The following MEGF11 variants were observed in gnomAD, a reference collection of about 807,000 sequenced individuals.
The protein encoded by MEGF11 is multiple epidermal growth factor-like domains protein 11.
In MEGF11, 126 loss-of-function variants were observed where a neutral mutation model predicts 146.6. The ratio of observed to expected loss-of-function variants is 0.86; its 90% CI spans 0.74 to 1.00. The LOEUF (loss-of-function observed/expected upper bound fraction) is 1.00, where lower values mean the gene tolerates loss of function less well. Ranked by LOEUF, MEGF11 falls within the 50% of genes least tolerant of loss-of-function variation. The pLI, the probability that MEGF11 is intolerant of heterozygous loss-of-function variation, is 0.00. For synonymous variants in MEGF11, 532 were observed against 583.4 expected, an observed-to-expected ratio of 0.91 and a Z score of 1.27; for missense variants, 1,509 against 1,521.2, an observed-to-expected ratio of 0.99 and a Z score of 0.13.
chr15:65,929,627 G>C (rs1205404550), intron 12 of MEGF11, 93 bp downstream of exon 12: 2 of 1,413,998 alleles, frequency 1.4e-6, no homozygotes, highest in African/African-American at 1.4e-5. Flanking sequence ...GCTTAGTGCT[G>C]TTCTCTGTGC....
intron 10 of MEGF11, among the ~76,000 whole-genome samples, chr15:65,940,941 G>C (rs568356343): frequency 6.6e-6 from 1 of 152,378 alleles, no homozygotes; most frequent in South Asian, 2.1e-4. Flanking sequence ...TCAAATGACA[G>C]TCATTATAGA....
chr15:66,153,167 A>G (rs1362254135), intron 1 of MEGF11, among the ~76,000 whole-genome samples: 1 of 152,230 alleles, frequency 6.6e-6, no homozygotes, highest in African/African-American at 2.4e-5. Context: ...CACTCCCCAC[A>G]GCACTAACAG....
At chr15:66,127,994 T>A (rs759080748) in intron 2 of MEGF11, among the ~76,000 whole-genome samples, 23 of 152,224 alleles carry the variant, frequency 1.5e-4, no homozygotes, top group Non-Finnish European at 2.8e-4. Context: ...CTGCACCCCA[T>A]CTGGCTGTGG....
At chr15:66,219,306 A>G (rs542313602) in intron 1 of MEGF11, among the ~76,000 whole-genome samples, 124 of 152,342 alleles carry the variant, frequency 8.1e-4, no homozygotes, top group African/African-American at 2.9e-3. Context: ...TGCACATCAC[A>G]TAGCCAACAA....
Position 65,982,108 on chromosome 15 carries a change from C to T in MEGF11, c.641+134G>A. Reference sequence around the variant, plus strand: ...CACCCACAAGGAGCCCAGGGCTGGGCGTGCAGCTGCGGTGAGGGCAGCCAC... The same window carrying T: ...CACCCACAAGGAGCCCAGGGCTGGGTGTGCAGCTGCGGTGAGGGCAGCCAC... On this transcript the variant is annotated intron_variant, in intron 6 of 25. Transcript: ENST00000395614. This position sits in a 1 kb window ranked among gnomAD's most constrained non-coding sequence, Gnocchi z 5.6. 1.7e-6 allele frequency: 2 copies of T among 1,194,092 alleles called. No homozygotes were observed. Among genetic ancestry groups the T allele is most frequent in the Admixed American group, 2.8e-5 (1 of 35,228 alleles). The allele number at this position is 1,194,092 out of a possible 1,614,324, so 74.0% of individuals were successfully genotyped here. A position where few individuals can be genotyped will look rare whatever the true frequency, so the allele number is the denominator to read the frequency against.
intron 1 of MEGF11, among the ~76,000 whole-genome samples, chr15:66,224,200 TTCTCG>T (rs2140173291): frequency 6.6e-6 from 1 of 152,350 alleles, no homozygotes; most frequent in East Asian, 1.9e-4. Context: ...AGCCTTGGTT[TTCTCG>T]TCTGTAAACT....
At chr15:66,216,765 A>G (rs892927531) in intron 1 of MEGF11, among the ~76,000 whole-genome samples, 1 of 152,198 alleles carries the variant, frequency 6.6e-6, no homozygotes, top group African/African-American at 2.4e-5. Context: ...AGGAGGAGGG[A>G]TATGTTGAAG....
At chr15:66,126,063 G>A (rs2088324861) in intron 2 of MEGF11, among the ~76,000 whole-genome samples, 1 of 152,176 alleles carries the variant, frequency 6.6e-6, no homozygotes, top group South Asian at 2.1e-4. Flanking sequence ...GCTAATGAGG[G>A]GCCAGATTAA....
In MEGF11 at chr15:66,141,289, T is replaced by TGA. The variant is rs1169589606; in HGVS notation, c.-8-12880_-8-12879dup. On this transcript the variant is annotated intron_variant, in intron 1 of 25. Transcript: ENST00000395614. ...GTGTGTGTGTGTGTGTGTGTGTGTG[T>TGA]GAGAGAGAGAGAGAGAGAGACAGGG... Among the ~76,000 whole-genome samples the TGA allele has an allele frequency of 7.9e-3, 799 of 101,132 alleles. 37 individuals carry two copies. The highest frequency in any genetic ancestry group is 0.014 in the African/African-American group (341 of 24,654). The allele number at this position is 101,132 out of a possible 152,430, so 66.3% of individuals were successfully genotyped here.
intron 5 of MEGF11, among the ~76,000 whole-genome samples, chr15:66,036,529 A>G (rs2083731875): frequency 6.6e-6 from 1 of 152,198 alleles, no homozygotes; most frequent in African/African-American, 2.4e-5. Flanking sequence ...TTGCTATCAC[A>G]CACAGTGCTG....
chr15:66,159,583 C>T (rs186319855), intron 1 of MEGF11, among the ~76,000 whole-genome samples: 6 of 152,302 alleles, frequency 3.9e-5, no homozygotes, highest in African/African-American at 1.4e-4. Flanking sequence ...CACAGAAGGA[C>T]ACTCAGTGAC....
At chr15:65,898,624 G>T in intron 25 of MEGF11, 104 bp downstream of exon 25, 2 of 1,532,680 alleles carry the variant, frequency 1.3e-6, no homozygotes, top group Non-Finnish European at 1.8e-6. Context: ...AGCAACAAAA[G>T]AAGGATGTGT....
intron 1 of MEGF11, among the ~76,000 whole-genome samples, chr15:66,191,760 G>A (rs1158722647): frequency 6.6e-6 from 1 of 152,170 alleles, no homozygotes; most frequent in Non-Finnish European, 1.5e-5. Flanking sequence ...CCCAGTGGAT[G>A]CCTGGGTTAT....
In MEGF11 at chr15:66,253,595, A is replaced by G. The variant is rs1345165216; in HGVS notation, c.-9+10T>C. The G allele has an allele frequency of 7.1e-6, 1 of 141,354 alleles. No individual in the cohort carries two copies. Among genetic ancestry groups the G allele is most frequent in the East Asian group, 2.2e-4 (1 of 4,488 alleles). 8.8% of individuals were successfully genotyped at this position (141,354 alleles called of 1,614,324 possible). On this transcript the variant is annotated intron_variant, in intron 1 of 25. Coordinates refer to ENST00000395614, the MANE Select transcript of MEGF11 (RefSeq NM_001385028.1). ...CTCCGCGTCCTCGCGGTCCCCACTC[A>G]GCCACCTACCTGCTCCCGCGGCCGG... is the stretch of plus-strand genomic sequence containing the variant.
At chr15:65,945,171 C>T (rs561232279) in intron 10 of MEGF11, among the ~76,000 whole-genome samples, 59 of 152,322 alleles carry the variant, frequency 3.9e-4, no homozygotes, top group Middle Eastern at 3.4e-3. Flanking sequence ...GCTGGGATTG[C>T]AGGCGTGAGC....
chr15:66,211,478 G>T (rs1041643887), intron 1 of MEGF11, among the ~76,000 whole-genome samples: 1 of 149,260 alleles, frequency 6.7e-6, no homozygotes, highest in Non-Finnish European at 1.5e-5. Context: ...GAGCCAAGAT[G>T]GCACCACTGC....
At chr15:66,021,528 G>A (rs1390312528) in intron 5 of MEGF11, among the ~76,000 whole-genome samples, 19 of 152,206 alleles carry the variant, frequency 1.2e-4, no homozygotes, top group Admixed American at 4.6e-4. Flanking sequence ...CTGAAATAGA[G>A]GAGAATTGGC....
intron 5 of MEGF11, among the ~76,000 whole-genome samples, chr15:65,991,422 G>A (rs1596962943): frequency 1.3e-5 from 2 of 152,172 alleles, no homozygotes; most frequent in African/African-American, 4.8e-5. Flanking sequence ...AGGTTCAGAG[G>A]CATTAAATAA....
At chr15:65,917,942 C>T (rs760570998) in intron 16 of MEGF11, 24 bp downstream of exon 16, 3 of 1,613,786 alleles carry the variant, frequency 1.9e-6, no homozygotes, top group South Asian at 2.2e-5. Context: ...CAGGTAGGGG[C>T]ATTCCCAGGT....
Sources: allele counts gnomAD v4.1 joint callset (sites outside exome capture counted in the v4.1 genomes callset), GRCh38; gene constraint gnomAD v4.1.1; non-coding constraint Gnocchi (gnomAD v3.1); transcripts MANE v1.5; gene names NCBI Gene and HGNC (gene_info 2026-07-23, HGNC 2026-07-21).